CARS1: variants seen among roughly 807,000 people sequenced by gnomAD.
CARS1 encodes the protein cysteinyl-tRNA synthetase 1.
In CARS1, 48 loss-of-function variants were observed where a neutral mutation model predicts 106.2. The ratio of observed to expected loss-of-function variants is 0.45; its 90% confidence interval spans 0.36 to 0.57. The LOEUF is 0.57. CARS1 is among the 20% of genes least tolerant of loss of function. The pLI, the probability that CARS1 is intolerant of heterozygous loss-of-function variation, is 0.00. For synonymous variants in CARS1, 409 were observed against 403.4 expected, an observed-to-expected ratio of 1.01 and a Z score of -0.17; for missense variants, 968 against 1,057.2, an observed-to-expected ratio of 0.92 and a Z score of 1.17.
At position 3,021,556 on chromosome 11, in the gene CARS1, T is replaced by C. The variant is rs535898458; in HGVS notation, c.1154-1224A>G. Among the ~76,000 whole-genome samples, 3 of 152,324 alleles carry C rather than the reference T, an allele frequency of 2.0e-5. No individual in the cohort carries two copies. Among genetic ancestry groups the C allele is most frequent in the Admixed American group, 2.0e-4 (3 of 15,298 alleles). The stretch of plus-strand genomic sequence containing the variant: ...TCCAGAGGAAAAGCACCGCTAAATA[T>C]ATTTTTCTAAACACCAAGTTCATGA... On this transcript the variant is annotated intron_variant, in intron 10 of 22. Transcript: ENST00000380525. This position sits in a 1 kb window ranked among gnomAD's most constrained non-coding sequence, Gnocchi z 5.3.
chr11:3,012,249 G>C lies in CARS1; in HGVS notation c.2014C>G (p.Gln672Glu), dbSNP rs1395343730. 1 of 1,614,256 alleles carries C rather than the reference G, an allele frequency of 6.2e-7. No individual in the cohort carries two copies. The highest frequency in any genetic ancestry group is 1.1e-5 in the South Asian group (1 of 91,086). The change falls in exon 18 of 23, where the codon CAG becomes GAG. Residue 672 changes from glutamine to glutamate, a missense_variant. Coordinates refer to ENST00000380525, the MANE Select transcript of CARS1 (RefSeq NM_001014437.3). ...CCTTCTCGGAATTCTGATAACACCTGAAGGTAGGGCATGACTGTGGCCTCG... is the reference window on the plus strand; with the variant it reads ...CCTTCTCGGAATTCTGATAACACCTCAAGGTAGGGCATGACTGTGGCCTCG... ...SLEATVMPYL[Q>E]VLSEFREGVR...
In CARS1 at chr11:3,017,060, G is replaced by A. The variant is rs116818609; in HGVS notation, c.1917+46C>T. The A allele has an allele frequency of 2.6e-3, 4,074 of 1,548,102 alleles. 95 individuals are homozygous for A. The African/African-American group carries it at 0.048, about 18-fold the overall frequency. On this transcript the variant is annotated intron_variant, in intron 16 of 22. Transcript: ENST00000380525. The surrounding 1 kb of genome is among the most constrained non-coding windows in gnomAD (Gnocchi z 4.9). ...CTCCCAGTCCTGGGGCCTGGCTCCT[G>A]TGTCCACACAGGCTGAGGGATACGC... is the stretch of plus-strand genomic sequence containing the variant.
chr11:3,002,560 C>G lies in CARS1; in HGVS notation c.2258G>C (p.Arg753Pro), dbSNP rs772425370. The G allele has an allele frequency of 1.5e-5, 25 of 1,614,052 alleles. No individual in the cohort carries two copies. Among genetic ancestry groups the G allele is most frequent in the Non-Finnish European group, 2.0e-5 (24 of 1,180,006 alleles). The change falls in exon 21 of 23, where the codon CGG becomes CCG. Residue 753 changes from arginine (R) to proline (P), a missense_variant. Coordinates refer to ENST00000380525, the MANE Select transcript of CARS1 (RefSeq NM_001014437.3). The stretch of plus-strand genomic sequence containing the variant: ...CATTACTTCTTGTTCCTGTTTCCTC[C>G]GGGCCGCCTCCTCTTTCTTCTTCCT... Reference protein sequence around the residue: ...EKRKKKEEAARRKQEQEAAKL... With the variant: ...EKRKKKEEAAPRKQEQEAAKL...
chr11:3,026,063 C>T (rs1461116778), intron 10 of CARS1, among the ~76,000 whole-genome samples: 2 of 152,200 alleles, frequency 1.3e-5, no homozygotes, highest in Admixed American at 1.3e-4. Flanking sequence ...AACTGGAAGA[C>T]ATTCTGTTAA....
intron 18 of CARS1, among the ~76,000 whole-genome samples, chr11:3,010,535 T>C (rs1850349247): frequency 6.6e-6 from 1 of 152,172 alleles, no homozygotes; most frequent in Admixed American, 6.5e-5. Context: ...CGATGGTGCT[T>C]ATGTGGTCAG....
Position 3,028,843 on chromosome 11 carries a change from A to C in CARS1, c.1031+153T>G. 5 of 645,740 alleles carry C rather than the reference A, an allele frequency of 7.7e-6. No individual in the cohort carries two copies. Among genetic ancestry groups the C allele is most frequent in the Non-Finnish European group, 1.4e-5 (5 of 360,110 alleles). The allele number at this position is 645,740 out of a possible 1,614,324, so 40.0% of individuals were successfully genotyped here. ...TGCTCCTCAGCCCCTGGGTGGGCCCAGAGTTGTAGGAGGAAGTCTGCTGGG... is the reference window on the plus strand; with the variant it reads ...TGCTCCTCAGCCCCTGGGTGGGCCCCGAGTTGTAGGAGGAAGTCTGCTGGG... On this transcript the variant is annotated intron_variant, in intron 9 of 22. Transcript: ENST00000380525. This position sits in a 1 kb window ranked among gnomAD's most constrained non-coding sequence, Gnocchi z 4.4.
intron 19 of CARS1, 55 bp from the exon 20 acceptor site, chr11:3,005,488 G>T (rs1229001604): frequency 2.3e-5 from 33 of 1,420,668 alleles, no homozygotes; most frequent in Non-Finnish European, 3.2e-5. Flanking sequence ...CGTCCCCACT[G>T]CGGGGCCAGC....
At position 3,047,900 on chromosome 11, in the gene CARS1, G is replaced by C; in HGVS notation, c.127C>G (p.Leu43Val). The C allele has an allele frequency of 6.2e-7, 1 of 1,614,208 alleles. No individual in the cohort carries two copies. The highest frequency in any genetic ancestry group is 1.7e-5 in the Admixed American group (1 of 60,034). Residue 43 changes from leucine to valine, a missense_variant, in exon 2 of 23, where the codon CTG (leucine) becomes GTG (valine). Physicochemically the swap from Leu to Val is conservative, Grantham distance 32 (BLOSUM62 1). Coordinates refer to ENST00000380525, the MANE Select transcript of CARS1 (RefSeq NM_001014437.3). ...STRSYVQGYS[L>V]SQADVDAFRQ... Reference sequence around the variant, plus strand: ...AACGCGTCCACGTCTGCCTGGGACAGTGAGTACCCCTGGACATAGCTACGC... The same window carrying C: ...AACGCGTCCACGTCTGCCTGGGACACTGAGTACCCCTGGACATAGCTACGC...
chr11:3,039,442 A>G lies in CARS1; in HGVS notation c.553-150T>C. 1.6e-6 allele frequency: 1 copy of G among 608,754 alleles called. No individual in the cohort carries two copies. The highest frequency in any genetic ancestry group is 2.9e-6 in the Non-Finnish European group (1 of 339,190). 37.7% of individuals were successfully genotyped at this position (608,754 alleles called of 1,614,324 possible). On this transcript the variant is annotated intron_variant, in intron 5 of 22. Transcript: ENST00000380525. This position sits in a 1 kb window ranked among gnomAD's most constrained non-coding sequence, Gnocchi z 5.6. ...CCCCGGACGTGCACACCATCATCAA[A>G]TAGAAACACCACCCTCCATCTCCCA...
rs1444182513 is a variant in CARS1, at chr11:3,019,655, G to C, written c.1267-388C>G. Among the ~76,000 whole-genome samples the C allele has an allele frequency of 6.6e-6, 1 of 151,678 alleles. No homozygotes were observed. Among genetic ancestry groups the C allele is most frequent in the Non-Finnish European group, 1.5e-5 (1 of 67,952 alleles). ...GACTAGGAGGCAGAGGTTGCAGTGAGCTGAGATCGCGCCACTGCACTCCAG... is the reference window on the plus strand; with the variant it reads ...GACTAGGAGGCAGAGGTTGCAGTGACCTGAGATCGCGCCACTGCACTCCAG... On this transcript the variant is annotated intron_variant, in intron 11 of 22. Coordinates refer to ENST00000380525, the MANE Select transcript of CARS1 (RefSeq NM_001014437.3). The surrounding 1 kb of genome is among the most constrained non-coding windows in gnomAD (Gnocchi z 6.2).
rs1851770607 is a variant in CARS1 at position 3,023,538 on chromosome 11, G to A, written c.1153+3138C>T. Among the ~76,000 whole-genome samples, 6 of 152,260 alleles carry A rather than the reference G, an allele frequency of 3.9e-5. No individual in the cohort carries two copies. The South Asian group carries it at 1.2e-3, about 32-fold the overall frequency. The stretch of plus-strand genomic sequence containing the variant: ...GCCTTCTGAGTAACTGGGACTACAG[G>A]TGCATGCTACCACACTCAGCTAATT... On this transcript the variant is annotated intron_variant, in intron 10 of 22. Coordinates refer to ENST00000380525, the MANE Select transcript of CARS1 (RefSeq NM_001014437.3).
At chr11:3,047,276 CAAA>C (rs59525343) in intron 2 of CARS1, among the ~76,000 whole-genome samples, 15 of 84,500 alleles carry the variant, frequency 1.8e-4, no homozygotes, top group South Asian at 3.4e-4. Flanking sequence ...GACTCCATCT[CAAA>C]AAAAAAAAAA....
At position 3,040,731 on chromosome 11, in the gene CARS1, C is replaced by A; in HGVS notation, c.455+165G>T. On this transcript the variant is annotated intron_variant, in intron 4 of 22. Coordinates refer to ENST00000380525, the MANE Select transcript of CARS1 (RefSeq NM_001014437.3). This position sits in a 1 kb window ranked among gnomAD's most constrained non-coding sequence, Gnocchi z 5.8. Reference sequence around the variant, plus strand: ...AGATTACTTATGGCATTAAAATTTTCATCTTAAAAATAAGAGAAGAAATTC... The same window carrying A: ...AGATTACTTATGGCATTAAAATTTTAATCTTAAAAATAAGAGAAGAAATTC... 1.4e-6 allele frequency: 1 copy of A among 715,604 alleles called. No homozygotes were observed. Among genetic ancestry groups the A allele is most frequent in the Non-Finnish European group, 2.3e-6 (1 of 426,790 alleles). 44.3% of individuals were successfully genotyped at this position (715,604 alleles called of 1,614,324 possible). A position where few individuals can be genotyped will look rare whatever the true frequency, so the allele number is the denominator to read the frequency against.
At chr11:3,010,688 G>T (rs530455028) in intron 18 of CARS1, among the ~76,000 whole-genome samples, 1 of 152,340 alleles carries the variant, frequency 6.6e-6, no homozygotes, top group African/African-American at 2.4e-5. Context: ...AGCCTGTGGA[G>T]CCCCGAGCTC....
chr11:3,003,517 G>T lies in CARS1; in HGVS notation c.2218-917C>A, dbSNP rs909267599. Among the ~76,000 whole-genome samples the T allele has an allele frequency of 6.6e-6, 1 of 152,186 alleles. No individual in the cohort carries two copies. The highest frequency in any genetic ancestry group is 2.4e-5 in the African/African-American group (1 of 41,448). ...CACCGGCTACAAGATAGATGGTGGA[G>T]AAGCCGCAGGACCAGATAAGGTCTC... On this transcript the variant is annotated intron_variant, in intron 20 of 22. Coordinates refer to ENST00000380525, the MANE Select transcript of CARS1 (RefSeq NM_001014437.3). This position sits in a 1 kb window ranked among gnomAD's most constrained non-coding sequence, Gnocchi z 4.8.
rs940537513 is a variant in CARS1, at chr11:3,044,416, C to T, written c.275-2160G>A. 1.3e-5 allele frequency among the ~76,000 whole-genome samples: 2 copies of T among 150,668 alleles called. No homozygotes were observed. The highest frequency in any genetic ancestry group is 5.0e-5 in the African/African-American group (2 of 40,026). On this transcript the variant is annotated intron_variant, in intron 2 of 22. Coordinates refer to ENST00000380525, the MANE Select transcript of CARS1 (RefSeq NM_001014437.3). This position sits in a 1 kb window ranked among gnomAD's most constrained non-coding sequence, Gnocchi z 4.4. ...GATATCACATAAGGACCCTTGCCCCCCTTTTTTTTTTTTAGATAAAATCTG... is the reference window on the plus strand; with the variant it reads ...GATATCACATAAGGACCCTTGCCCCTCTTTTTTTTTTTTAGATAAAATCTG...
At chr11:3,002,348 G>T in intron 21 of CARS1, 193 bp downstream of exon 21, 2 of 1,038,382 alleles carry the variant, frequency 1.9e-6, no homozygotes, top group Non-Finnish European at 2.8e-6. Flanking sequence ...CTTCCCCTTG[G>T]CCAGGCCTTC....
chr11:3,037,668 GTTAAT>G lies in CARS1; in HGVS notation c.801+377_801+381del, dbSNP rs781209547. Among the ~76,000 whole-genome samples the G allele has an allele frequency of 1.8e-4, 28 of 152,328 alleles. No homozygotes were observed. The highest frequency in any genetic ancestry group is 1.2e-3 in the Admixed American group (18 of 15,310). On this transcript the variant is annotated intron_variant, in intron 7 of 22. Coordinates refer to ENST00000380525, the MANE Select transcript of CARS1 (RefSeq NM_001014437.3). The surrounding 1 kb of genome is among the most constrained non-coding windows in gnomAD (Gnocchi z 5.9). ...CACAGGCCTCAATGCTCAATTCAAT[GTTAAT>G]CCCTGCTCCTCCTTCTCCAGCTGGT...
intron 16 of CARS1, 121 bp downstream of exon 16, chr11:3,016,985 G>A: frequency 1.3e-6 from 1 of 741,950 alleles, no homozygotes; most frequent in South Asian, 2.0e-5. Context: ...CCACGTCTCA[G>A]AGGTGCTGGG....
Sources: gnomAD v4.1 joint callset for allele counts (sites outside exome capture counted in the v4.1 genomes callset) on GRCh38, gnomAD v4.1.1 for gene constraint, Gnocchi (gnomAD v3.1) non-coding constraint, MANE v1.5 for transcripts, NCBI Gene and HGNC (gene_info 2026-07-23, HGNC 2026-07-21) for gene names.